DLGAP1: variants seen among roughly 807,000 people sequenced by gnomAD.
The protein encoded by DLGAP1 is DLG associated protein 1.
In DLGAP1, 11 loss-of-function variants were observed where a neutral mutation model predicts 90.8. That is an observed-to-expected ratio of 0.12 (90% CI 0.08 to 0.20). The LOEUF (loss-of-function observed/expected upper bound fraction) is 0.20, where lower values mean the gene tolerates loss of function less well. Among genes scored for constraint, DLGAP1 ranks in the 10% least tolerant of loss-of-function variants. The pLI is 1.00. For synonymous variants in DLGAP1, 558 were observed against 540.7 expected, an observed-to-expected ratio of 1.03 and a Z score of -0.44; for missense variants, 1,050 against 1,333.8, an observed-to-expected ratio of 0.79 and a Z score of 3.31.
rs554670705 is a variant in DLGAP1, at chr18:4,110,540, T to C, written c.-159+40640A>G. ...CTGTGCACAGGCAGTTTCCAAGTTA[T>C]GAATATATCAGGTCCCCATAGTTTA... On this transcript the variant is annotated intron_variant, in intron 2 of 12. Coordinates refer to ENST00000315677, the MANE Select transcript of DLGAP1 (RefSeq NM_004746.4). Among the ~76,000 whole-genome samples, 6 of 152,328 alleles carry C rather than the reference T, an allele frequency of 3.9e-5. No individual in the cohort carries two copies. The South Asian group carries it at 1.2e-3, about 32-fold the overall frequency.
chr18:3,688,665 AC>A (rs1392097559), intron 7 of DLGAP1, among the ~76,000 whole-genome samples: 1,920 of 52,866 alleles, frequency 0.036, 61 homozygotes, highest in African/African-American at 0.14. Context: ...ACACACACAC[AC>A]ACCCTACCAA....
chr18:4,223,170 A>G lies in DLGAP1; in HGVS notation c.-266-71883T>C, dbSNP rs183901844. On this transcript the variant is annotated intron_variant, in intron 1 of 12. Transcript: ENST00000315677. ...TGTGAAGCATTTAGTACATTTTTAT[A>G]CTTTATACCCTACAGATGTTTTATA... 1.3e-3 allele frequency among the ~76,000 whole-genome samples: 194 copies of G among 152,252 alleles called. 1 individual carries two copies. Among genetic ancestry groups the G allele is most frequent in the Middle Eastern group, 3.4e-3 (1 of 294 alleles).
At chr18:3,600,357 G>A (rs2056827587) in intron 7 of DLGAP1, among the ~76,000 whole-genome samples, 2 of 152,088 alleles carry the variant, frequency 1.3e-5, no homozygotes, top group South Asian at 4.1e-4. Context: ...CCCGGTTCAA[G>A]CAATTCTCCT....
chr18:3,705,051 AT>A (rs1241823669), intron 7 of DLGAP1, among the ~76,000 whole-genome samples: 1 of 152,192 alleles, frequency 6.6e-6, no homozygotes, highest in Non-Finnish European at 1.5e-5. Context: ...CTAAGGAGTT[AT>A]TTCTGTAGTT....
intron 4 of DLGAP1, among the ~76,000 whole-genome samples, chr18:3,821,330 C>T (rs1010782260): frequency 5.4e-5 from 8 of 147,374 alleles, no homozygotes; most frequent in African/African-American, 2.0e-4. Context: ...ACGACTTGCC[C>T]AAGGTCATAA....
At chr18:3,943,910 A>G (rs1053175652) in intron 3 of DLGAP1, among the ~76,000 whole-genome samples, 8 of 152,178 alleles carry the variant, frequency 5.3e-5, no homozygotes, top group Non-Finnish European at 5.9e-5. Flanking sequence ...ACAGAGGAAA[A>G]AGACAGCCAC....
At chr18:4,309,142 A>G (rs12456210) in intron 1 of DLGAP1, among the ~76,000 whole-genome samples, 13,086 of 152,228 alleles carry the variant, frequency 0.086, 714 homozygotes, top group East Asian at 0.22. Flanking sequence ...GCTTTCAACT[A>G]AGGGCTTGGT....
intron 2 of DLGAP1, among the ~76,000 whole-genome samples, chr18:4,112,411 T>C (rs2075990279): frequency 6.6e-6 from 1 of 152,222 alleles, no homozygotes; most frequent in Admixed American, 6.5e-5. Context: ...TGGAGGATTC[T>C]ATAGATGTCT....
At chr18:3,687,165 C>T (rs542547328) in intron 7 of DLGAP1, among the ~76,000 whole-genome samples, 76 of 152,324 alleles carry the variant, frequency 5.0e-4, no homozygotes, top group Middle Eastern at 3.4e-3. Flanking sequence ...AGACCTGTAT[C>T]GGACTTCTGA....
intron 2 of DLGAP1, among the ~76,000 whole-genome samples, chr18:4,124,270 T>A (rs2076198606): frequency 6.6e-6 from 1 of 152,202 alleles, no homozygotes; most frequent in African/African-American, 2.4e-5. Context: ...GCCAGGACCC[T>A]AGAAGGATGG....
chr18:3,536,757 G>A (rs1249634014), intron 9 of DLGAP1, among the ~76,000 whole-genome samples: 2 of 152,128 alleles, frequency 1.3e-5, no homozygotes, highest in Non-Finnish European at 2.9e-5. Flanking sequence ...ATTTTACATG[G>A]ATGTCCATGA....
At chr18:3,845,134 C>T in intron 4 of DLGAP1, 1 of 1,441,434 alleles carries the variant, frequency 6.9e-7, no homozygotes, top group Non-Finnish European at 9.5e-7. Context: ...GAAATTAACT[C>T]CAGTATGTTA....
intron 1 of DLGAP1, among the ~76,000 whole-genome samples, chr18:4,263,941 T>C (rs929493337): frequency 1.3e-5 from 2 of 152,232 alleles, no homozygotes. Context: ...TCAACTATTA[T>C]GATAACGAAA....
chr18:4,349,429 C>A (rs1308836084), intron 1 of DLGAP1, among the ~76,000 whole-genome samples: 2 of 151,730 alleles, frequency 1.3e-5, no homozygotes, highest in African/African-American at 4.8e-5. Flanking sequence ...GATCTTAATA[C>A]AGAAAAATGA....
chr18:4,430,436 A>G (rs534123377), intron 1 of DLGAP1: 2 of 151,096 alleles, frequency 1.3e-5, no homozygotes, highest in Admixed American at 6.6e-5. Context: ...TCTTTTTCCA[A>G]TCTGAAAATA....
chr18:3,849,612 T>C (rs2148677451), intron 4 of DLGAP1, among the ~76,000 whole-genome samples: 1 of 152,280 alleles, frequency 6.6e-6, no homozygotes, highest in South Asian at 2.1e-4. Flanking sequence ...TTGCAGACAT[T>C]TCACTGCCAG....
intron 1 of DLGAP1, among the ~76,000 whole-genome samples, chr18:4,453,309 A>G (rs963145737): frequency 4.6e-5 from 7 of 152,218 alleles, no homozygotes; most frequent in African/African-American, 1.7e-4. Flanking sequence ...TTGCATAGAC[A>G]TATTCATTAT....
chr18:4,051,397 T>C (rs2075131783), intron 2 of DLGAP1, among the ~76,000 whole-genome samples: 1 of 152,224 alleles, frequency 6.6e-6, no homozygotes, highest in African/African-American at 2.4e-5. Flanking sequence ...GAAGCAAGCA[T>C]GTCTTTCTTC....
At chr18:3,602,562 T>G (rs1236926163) in intron 7 of DLGAP1, among the ~76,000 whole-genome samples, 1 of 119,556 alleles carries the variant, frequency 8.4e-6, no homozygotes, top group Non-Finnish European at 1.6e-5. Context: ...GCCACCGCAC[T>G]CCAGCCTGGG....
Sources: gnomAD v4.1 joint callset for allele counts (sites outside exome capture counted in the v4.1 genomes callset) on GRCh38, gnomAD v4.1.1 for gene constraint, MANE v1.5 for transcripts, NCBI Gene and HGNC (gene_info 2026-07-23, HGNC 2026-07-21) for gene names.